XRCC4: variants seen among roughly 807,000 people sequenced by gnomAD.
XRCC4 encodes the protein DNA repair protein XRCC4.
In XRCC4, 28 loss-of-function variants were observed where a neutral mutation model predicts 39.1. The ratio of observed to expected loss-of-function variants is 0.72; its 90% CI spans 0.53 to 0.98. The LOEUF is 0.98. Among genes scored for constraint, XRCC4 ranks in the 50% least tolerant of loss-of-function variants. XRCC4 has a pLI of 0.00. For synonymous variants in XRCC4, 123 were observed against 126.4 expected (o/e 0.97, Z 0.18); for missense variants, 350 against 376.4 (o/e 0.93, Z 0.58).
At chr5:83,342,871 T>C (rs1427459109) in intron 7 of XRCC4, among the ~76,000 whole-genome samples, 2 of 152,184 alleles carry the variant, frequency 1.3e-5, no homozygotes, top group African/African-American at 4.8e-5. Context: ...TTAAGCACAT[T>C]ATTTAAAACT....
chr5:83,184,438 G>C (rs1750344367), intron 3 of XRCC4, among the ~76,000 whole-genome samples: 1 of 151,844 alleles, frequency 6.6e-6, no homozygotes, highest in East Asian at 1.9e-4. Context: ...GTGGAGATTG[G>C]CCTTAATAGC....
At chr5:83,141,583 T>C (rs544466697) in intron 3 of XRCC4, among the ~76,000 whole-genome samples, 3 of 152,316 alleles carry the variant, frequency 2.0e-5, no homozygotes, top group Non-Finnish European at 4.4e-5. Context: ...TTTTCATGTC[T>C]CTAAAGGTCA....
intron 7 of XRCC4, among the ~76,000 whole-genome samples, chr5:83,347,211 A>AT (rs1437610922): frequency 3.3e-5 from 5 of 152,198 alleles, no homozygotes; most frequent in Admixed American, 6.5e-5. Context: ...AAAACTATAA[A>AT]TGTGTAGAAT....
intron 3 of XRCC4, among the ~76,000 whole-genome samples, chr5:83,153,339 G>A (rs1239847542): frequency 6.6e-6 from 1 of 151,872 alleles, no homozygotes; most frequent in Non-Finnish European, 1.5e-5. Flanking sequence ...CTCCCAAGTA[G>A]CTGGGATTAC....
intron 1 of XRCC4, among the ~76,000 whole-genome samples, chr5:83,094,342 G>T (rs73138168): frequency 1.5e-5 from 1 of 66,752 alleles, no homozygotes; most frequent in African/African-American, 5.5e-5. Context: ...CCTTCCCTCC[G>T]CTCCCCTCTC....
At chr5:83,210,434 T>C (rs1751597364) in intron 6 of XRCC4, among the ~76,000 whole-genome samples, 1 of 152,176 alleles carries the variant, frequency 6.6e-6, no homozygotes, top group Non-Finnish European at 1.5e-5. Context: ...GACTGTATAG[T>C]TCTAGATCCT....
intron 7 of XRCC4, among the ~76,000 whole-genome samples, chr5:83,322,328 T>C (rs1756103105): frequency 6.6e-6 from 1 of 152,134 alleles, no homozygotes; most frequent in African/African-American, 2.4e-5. Context: ...CAATTTTCCA[T>C]GACTTTATAT....
chr5:83,347,111 CA>C (rs1396384373), intron 7 of XRCC4, among the ~76,000 whole-genome samples: 1 of 151,992 alleles, frequency 6.6e-6, no homozygotes, highest in African/African-American at 2.4e-5. Flanking sequence ...AATAGTACAT[CA>C]AAATTAAAAT....
intron 7 of XRCC4, among the ~76,000 whole-genome samples, chr5:83,335,912 A>T (rs1756580400): frequency 1.3e-5 from 2 of 152,020 alleles, no homozygotes; most frequent in African/African-American, 4.8e-5. Context: ...TAAGTTGCAA[A>T]TCTCCTGTAT....
At chr5:83,279,497 G>C (rs1246642952) in intron 7 of XRCC4, among the ~76,000 whole-genome samples, 2 of 152,132 alleles carry the variant, frequency 1.3e-5, no homozygotes, top group African/African-American at 4.8e-5. Context: ...CTTTAAATAT[G>C]TGATGATTAC....
At chr5:83,280,795 T>G (rs540297204) in intron 7 of XRCC4, among the ~76,000 whole-genome samples, 4 of 152,334 alleles carry the variant, frequency 2.6e-5, no homozygotes, top group South Asian at 4.1e-4. Context: ...GTCACCATCA[T>G]TCAAACCATA....
intron 3 of XRCC4, among the ~76,000 whole-genome samples, chr5:83,124,310 C>T (rs183576263): frequency 6.6e-6 from 1 of 152,232 alleles, no homozygotes; most frequent in Admixed American, 6.5e-5. Context: ...CTGGTAGCCA[C>T]CGATCTGTTT....
chr5:83,346,412 CACAGA>C (rs1756918718), intron 7 of XRCC4, among the ~76,000 whole-genome samples: 1 of 152,042 alleles, frequency 6.6e-6, no homozygotes, highest in South Asian at 2.1e-4. Context: ...CCACGTTGCC[CACAGA>C]AAACTATCCG....
Position 83,260,774 on chromosome 5 carries a change from G to A in XRCC4, c.893+2097G>A, listed in dbSNP as rs1753720193. 2.0e-5 allele frequency among the ~76,000 whole-genome samples: 3 copies of A among 151,952 alleles called. No homozygotes were observed. In the South Asian group the frequency reaches 6.2e-4, roughly 31 times the overall value. On this transcript the variant is annotated intron_variant, in intron 7 of 7. Coordinates refer to ENST00000396027, the MANE Select transcript of XRCC4 (RefSeq NM_003401.5). ...TCCATGTTTAGGTAATCATGTCAATGTTTATGTTATATATTTTCACCATTT... is the reference window on the plus strand; with the variant it reads ...TCCATGTTTAGGTAATCATGTCAATATTTATGTTATATATTTTCACCATTT...
intron 6 of XRCC4, among the ~76,000 whole-genome samples, chr5:83,209,824 T>C (rs1049309377): frequency 6.6e-6 from 1 of 152,138 alleles, no homozygotes; most frequent in Non-Finnish European, 1.5e-5. Flanking sequence ...TTTCACTCTT[T>C]TTAGCTGCAT....
At chr5:83,152,449 A>G (rs1462473373) in intron 3 of XRCC4, among the ~76,000 whole-genome samples, 2 of 152,126 alleles carry the variant, frequency 1.3e-5, no homozygotes, top group South Asian at 2.1e-4. Context: ...CCTGACCAAC[A>G]TGGTGAAACC....
chr5:83,374,381 T>C, the XRCC4 span, among the ~76,000 whole-genome samples: 1 of 152,186 alleles, frequency 6.6e-6, no homozygotes, highest in Admixed American at 6.5e-5. Flanking sequence ...TACCGCCAGG[T>C]GAGACGTGCG....
At chr5:83,239,978 T>TG (rs2112842804) in intron 6 of XRCC4, among the ~76,000 whole-genome samples, 1 of 151,860 alleles carries the variant, frequency 6.6e-6, no homozygotes, top group African/African-American at 2.4e-5. Flanking sequence ...GACAACATAG[T>TG]GAGACCCTGG....
At chr5:83,116,846 TCCTGA>T (rs1746748662) in intron 3 of XRCC4, among the ~76,000 whole-genome samples, 1 of 152,158 alleles carries the variant, frequency 6.6e-6, no homozygotes, top group South Asian at 2.1e-4. Flanking sequence ...GGTCTCGAAC[TCCTGA>T]CCTCAAGTGA....
Sources: allele counts gnomAD v4.1 joint callset (sites outside exome capture counted in the v4.1 genomes callset), GRCh38; gene constraint gnomAD v4.1.1; transcripts MANE v1.5; gene names NCBI Gene and HGNC (gene_info 2026-07-23, HGNC 2026-07-21).